ARAP2: variants seen among roughly 807,000 people sequenced by gnomAD.
ARAP2 encodes arf-GAP with Rho-GAP domain, ANK repeat and PH domain-containing protein 2.
ARAP2 carries 148 observed loss-of-function variants against 194.5 expected under a neutral mutation model. The observed-to-expected ratio is 0.76, with a 90% confidence interval of 0.67 to 0.87. The LOEUF (loss-of-function observed/expected upper bound fraction) is 0.87, where lower values mean the gene tolerates loss of function less well. Ranked by LOEUF, ARAP2 falls within the 40% of genes least tolerant of loss-of-function variation. The pLI, the probability that ARAP2 is intolerant of heterozygous loss-of-function variation, is 0.00. For synonymous variants in ARAP2, 695 were observed against 683.5 expected (o/e 1.02, Z -0.26); for missense variants, 2,128 against 1,989.7 (o/e 1.07, Z -1.32).
At chr4:36,140,725 T>C (rs1229332007) in intron 19 of ARAP2, among the ~76,000 whole-genome samples, 1 of 151,660 alleles carries the variant, frequency 6.6e-6, no homozygotes, top group African/African-American at 2.4e-5. Context: ...TCTCCCAAAC[T>C]GAGAAAAGTA....
intron 9 of ARAP2, among the ~76,000 whole-genome samples, chr4:36,171,756 T>C (rs985843502): frequency 1.3e-5 from 2 of 152,076 alleles, no homozygotes; most frequent in Non-Finnish European, 2.9e-5. Flanking sequence ...ATTATTTTTA[T>C]TTTATACCTT....
Position 36,159,488 on chromosome 4 carries a change from T to C in ARAP2, c.2460A>G (p.Val820=). ...EELNKALCAA[V]VKPDVLETMA... is the part of the protein sequence containing the mutation. ...TTGTTTCTAGAACATCCGGTTTCAC[T>C]ACAGCAGCACATAGAGCCTGGTCAT... Residue 820 remains valine (V), a synonymous_variant, in exon 14 of 33, where the codon GTA becomes GTG. Transcript: ENST00000303965. 1.9e-6 allele frequency: 3 copies of C among 1,580,820 alleles called. No individual in the cohort carries two copies. Among genetic ancestry groups the C allele is most frequent in the Non-Finnish European group, 2.6e-6 (3 of 1,160,028 alleles).
intron 27 of ARAP2, among the ~76,000 whole-genome samples, chr4:36,093,361 T>A (rs1577848744): frequency 6.6e-6 from 1 of 151,944 alleles, no homozygotes; most frequent in South Asian, 2.1e-4. Flanking sequence ...TTAAAAGTTA[T>A]TTTTTTTAAA....
chr4:36,151,418 T>A (rs751550903), intron 15 of ARAP2, among the ~76,000 whole-genome samples: 3 of 152,180 alleles, frequency 2.0e-5, no homozygotes, highest in Non-Finnish European at 4.4e-5. Flanking sequence ...GTGGTAGGTA[T>A]GCAAAGGAAG....
intron 5 of ARAP2, among the ~76,000 whole-genome samples, chr4:36,033,885 C>A (rs1229162941): frequency 6.6e-6 from 1 of 152,018 alleles, no homozygotes; most frequent in Non-Finnish European, 1.5e-5. Context: ...TTTTTCTCAG[C>A]ACCATTTATT....
intron 5 of ARAP2, 123 bp downstream of exon 5, chr4:36,212,273 A>T (rs1053079194): frequency 1.3e-6 from 1 of 740,878 alleles, no homozygotes; most frequent in Non-Finnish European, 2.1e-6. Flanking sequence ...TAGAGAGGAA[A>T]AAATTGAACT....
At chr4:36,233,393 G>C (rs1453311589) in intron 1 of ARAP2, among the ~76,000 whole-genome samples, 2 of 140,290 alleles carry the variant, frequency 1.4e-5, no homozygotes, top group Non-Finnish European at 3.2e-5. Flanking sequence ...GGTCCTACGA[G>C]TCTACACTTG....
At chr4:36,050,426 AC>A (rs906210662) in intron 3 of ARAP2, among the ~76,000 whole-genome samples, 14 of 152,220 alleles carry the variant, frequency 9.2e-5, no homozygotes, top group Admixed American at 2.0e-4. Context: ...AAACTAAAGC[AC>A]AAAAACCTAG....
chr4:36,193,514 C>T, intron 7 of ARAP2, 64 bp downstream of exon 7: 3 of 1,116,324 alleles, frequency 2.7e-6, no homozygotes, highest in Non-Finnish European at 3.8e-6. Context: ...AACCAAACTG[C>T]TTGCTTATTT....
chr4:36,091,610 T>C (rs762424653), intron 28 of ARAP2, among the ~76,000 whole-genome samples: 13 of 152,156 alleles, frequency 8.5e-5, no homozygotes, highest in South Asian at 4.1e-4. Context: ...GACTGAGATG[T>C]TGATTTATAA....
chr4:36,073,972 G>T (rs1727650721), intron 31 of ARAP2, 149 bp from the exon 32 acceptor site: 2 of 1,012,908 alleles, frequency 2.0e-6, no homozygotes, highest in African/African-American at 3.2e-5. Context: ...GTTGACTCTG[G>T]TGGCAGCATC....
intron 27 of ARAP2, among the ~76,000 whole-genome samples, chr4:36,095,775 A>G (rs1397484635): frequency 6.6e-6 from 1 of 152,156 alleles, no homozygotes; most frequent in Non-Finnish European, 1.5e-5. Flanking sequence ...ATCCAGATAC[A>G]TATTCAACTG....
At chr4:36,055,587 G>A (rs971919280) in intron 2 of ARAP2, among the ~76,000 whole-genome samples, 1 of 151,578 alleles carries the variant, frequency 6.6e-6, no homozygotes, top group Non-Finnish European at 1.5e-5. Flanking sequence ...TTTTTGAGAT[G>A]GAGTCTCACT....
chr4:36,193,724 C>T (rs982269306), intron 6 of ARAP2, 77 bp from the exon 7 acceptor site: 30 of 1,050,794 alleles, frequency 2.9e-5, no homozygotes, highest in Middle Eastern at 4.2e-4. Flanking sequence ...GTAATGTAAC[C>T]GTGTAAATAT....
intron 15 of ARAP2, among the ~76,000 whole-genome samples, chr4:36,157,005 G>A (rs938385673): frequency 6.6e-6 from 1 of 152,092 alleles, no homozygotes; most frequent in Non-Finnish European, 1.5e-5. Flanking sequence ...AGGTACTCAA[G>A]TAAATTTAAA....
chr4:36,032,561 A>G (rs1719165188), intron 5 of ARAP2, among the ~76,000 whole-genome samples: 2 of 152,354 alleles, frequency 1.3e-5, no homozygotes, highest in Non-Finnish European at 2.9e-5. Flanking sequence ...AAGAGATTAA[A>G]TAGTATAATG....
At chr4:36,221,049 A>G (rs1284418877) in intron 2 of ARAP2, among the ~76,000 whole-genome samples, 1 of 152,284 alleles carries the variant, frequency 6.6e-6, no homozygotes, top group Middle Eastern at 3.4e-3. Flanking sequence ...TATTTACACC[A>G]TATTTTTACT....
At chr4:36,218,414 G>T (rs1748453591) in intron 2 of ARAP2, among the ~76,000 whole-genome samples, 1 of 151,992 alleles carries the variant, frequency 6.6e-6, no homozygotes, top group Non-Finnish European at 1.5e-5. Flanking sequence ...TAACAACCCA[G>T]CACATGTACC....
In ARAP2 at chr4:36,091,989, T is replaced by C. The variant is rs1713792901; in HGVS notation, c.4317A>G (p.Gly1439=). 1 of 1,603,742 alleles carries C rather than the reference T, an allele frequency of 6.2e-7. No homozygotes were observed. The highest frequency in any genetic ancestry group is 1.7e-5 in the Admixed American group (1 of 59,870). Residue 1439 remains glycine, a synonymous_variant, in exon 28 of 33, where the codon GGA becomes GGG. Transcript: ENST00000303965. ...ATGGTTCTTCTTTGATTTTCAAGAT[T>C]CCTTCTTTGATGCTTCCCAGTGTAC... ...DRSTLGSIKE[G]ILKIKEEPSK...
Sources: allele counts gnomAD v4.1 joint callset (sites outside exome capture counted in the v4.1 genomes callset), GRCh38; gene constraint gnomAD v4.1.1; transcripts MANE v1.5; gene names NCBI Gene and HGNC (gene_info 2026-07-23, HGNC 2026-07-21).